ATXN7L1: variants seen among roughly 807,000 people sequenced by gnomAD.
ATXN7L1 encodes ataxin-7-like protein 1.
ATXN7L1 carries 15 observed loss-of-function variants against 70.8 expected under a neutral mutation model. That is an observed-to-expected ratio of 0.21 (90% CI 0.14 to 0.33). The LOEUF (loss-of-function observed/expected upper bound fraction) is 0.33. ATXN7L1 is among the 10% of genes least tolerant of loss of function. The probability of loss-of-function intolerance (pLI) is 1.00; values close to 1 mark genes in which losing one functional copy is unlikely to be tolerated. For synonymous variants in ATXN7L1, 440 were observed against 445.1 expected, an observed-to-expected ratio of 0.99 and a Z score of 0.14; for missense variants, 975 against 1,097.1, an observed-to-expected ratio of 0.89 and a Z score of 1.57.
chr7:105,607,593 T>A lies in ATXN7L1; in HGVS notation c.*259A>T, dbSNP rs1319798074. 1.9e-6 allele frequency: 1 copy of A among 529,284 alleles called. No individual in the cohort carries two copies. Among genetic ancestry groups the A allele is most frequent in the African/African-American group, 1.9e-5 (1 of 52,740 alleles). 32.8% of individuals were successfully genotyped at this position (529,284 alleles called of 1,614,324 possible). On this transcript the variant is annotated 3_prime_UTR_variant, in exon 12 of 12. Transcript: ENST00000419735. ...GAGTGACCCCAAATTTGGAAGAATG[T>A]AAAAACATGGCAAATGAAAGGAAAG...
At chr7:105,662,110 T>TC (rs1189753601) in intron 4 of ATXN7L1, among the ~76,000 whole-genome samples, 3 of 147,120 alleles carry the variant, frequency 2.0e-5, no homozygotes, top group Admixed American at 6.8e-5. Context: ...TCTTTTCTTT[T>TC]TTTTTTTTTT....
chr7:105,855,822 A>G (rs947707300), intron 2 of ATXN7L1, among the ~76,000 whole-genome samples: 5 of 152,232 alleles, frequency 3.3e-5, no homozygotes, highest in Admixed American at 3.3e-4. Context: ...CTATTTACAC[A>G]GCATTTACAT....
At chr7:105,727,744 G>GTATATATATATA (rs1205624280) in intron 3 of ATXN7L1, among the ~76,000 whole-genome samples, 11 of 31,704 alleles carry the variant, frequency 3.5e-4, no homozygotes, top group African/African-American at 1.6e-3. Context: ...GTGTGTATGT[G>GTATATATATATA]TGTATATATA....
At chr7:105,748,183 C>T (rs1798792172) in intron 3 of ATXN7L1, among the ~76,000 whole-genome samples, 1 of 151,148 alleles carries the variant, frequency 6.6e-6, no homozygotes, top group Non-Finnish European at 1.5e-5. Context: ...AGGAAAAACA[C>T]ATTGAGCATG....
intron 4 of ATXN7L1, among the ~76,000 whole-genome samples, chr7:105,646,804 C>A (rs901775017): frequency 6.6e-6 from 1 of 150,820 alleles, no homozygotes. Context: ...ATAAGCTGGG[C>A]ACGTTGGTGG....
chr7:105,852,189 T>C (rs988584862), intron 2 of ATXN7L1, among the ~76,000 whole-genome samples: 4 of 152,172 alleles, frequency 2.6e-5, no homozygotes, highest in Admixed American at 1.3e-4. Flanking sequence ...CAGTTCTTTA[T>C]TGACAGGCAG....
chr7:105,798,981 A>G (rs769157066), intron 2 of ATXN7L1, among the ~76,000 whole-genome samples: 1 of 152,246 alleles, frequency 6.6e-6, no homozygotes, highest in Non-Finnish European at 1.5e-5. Context: ...GTCTTCTATT[A>G]CTGTTTAGAG....
chr7:105,801,247 C>T (rs1806776413), intron 2 of ATXN7L1, among the ~76,000 whole-genome samples: 1 of 152,152 alleles, frequency 6.6e-6, no homozygotes, highest in African/African-American at 2.4e-5. Flanking sequence ...GGAATAAAAT[C>T]ACTGTTAAAA....
chr7:105,716,992 G>C (rs1794643229), intron 3 of ATXN7L1, among the ~76,000 whole-genome samples: 1 of 151,934 alleles, frequency 6.6e-6, no homozygotes, highest in Non-Finnish European at 1.5e-5. Flanking sequence ...AACTAAAAAT[G>C]ACCCACAGTC....
At chr7:105,801,169 G>T (rs1193824294) in intron 2 of ATXN7L1, among the ~76,000 whole-genome samples, 1 of 152,142 alleles carries the variant, frequency 6.6e-6, no homozygotes, top group Non-Finnish European at 1.5e-5. Context: ...ATTTTGCATG[G>T]TGGGATTTAA....
At chr7:105,865,690 T>C (rs993708164) in intron 2 of ATXN7L1, among the ~76,000 whole-genome samples, 17 of 152,172 alleles carry the variant, frequency 1.1e-4, no homozygotes, top group South Asian at 2.1e-4. Context: ...CGTGAGCCAC[T>C]GCACCCGGGC....
At chr7:105,697,720 C>G (rs554047579) in intron 3 of ATXN7L1, among the ~76,000 whole-genome samples, 1 of 152,112 alleles carries the variant, frequency 6.6e-6, no homozygotes, top group Non-Finnish European at 1.5e-5. Context: ...TCACAACTTA[C>G]GTTTAGAGAT....
At chr7:105,758,192 T>C (rs1254491888) in intron 3 of ATXN7L1, among the ~76,000 whole-genome samples, 2 of 152,100 alleles carry the variant, frequency 1.3e-5, no homozygotes, top group Non-Finnish European at 2.9e-5. Flanking sequence ...CTCCCAGCAG[T>C]GATATGTGAA....
At chr7:105,802,198 C>T (rs574450908) in intron 2 of ATXN7L1, among the ~76,000 whole-genome samples, 104 of 152,276 alleles carry the variant, frequency 6.8e-4, no homozygotes, top group African/African-American at 2.4e-3. Flanking sequence ...GCTTCAGGGT[C>T]AATCCTTCAT....
intron 3 of ATXN7L1, among the ~76,000 whole-genome samples, chr7:105,757,189 G>A (rs1020293430): frequency 3.3e-5 from 5 of 152,008 alleles, no homozygotes; most frequent in African/African-American, 1.2e-4. Context: ...GTTTTCCTAG[G>A]GATTGTATTT....
At position 105,783,293 on chromosome 7, in the gene ATXN7L1, G is replaced by A. The variant is rs533256656; in HGVS notation, c.355+5311C>T. 1.2e-3 allele frequency among the ~76,000 whole-genome samples: 190 copies of A among 152,274 alleles called. 1 individual carries two copies. The highest frequency in any genetic ancestry group is 4.3e-3 in the African/African-American group (180 of 41,546). On this transcript the variant is annotated intron_variant, in intron 3 of 11. Coordinates refer to ENST00000419735, the MANE Select transcript of ATXN7L1 (RefSeq NM_020725.2). ...TATTTGGTCTTTATCCCCAGTTTCT[G>A]GCACAGAGCTCCTAAAACCCTTGTA...
intron 8 of ATXN7L1, among the ~76,000 whole-genome samples, chr7:105,623,823 A>ATTTTTTCCC (rs1452596706): frequency 1.3e-5 from 2 of 152,080 alleles, no homozygotes; most frequent in African/African-American, 2.4e-5. Context: ...GGGATTATCC[A>ATTTTTTCCC]TTTTTTCCCC....
At position 105,722,560 on chromosome 7, in the gene ATXN7L1, T is replaced by TAAAAAAAAAA. The variant is rs56228890; in HGVS notation, c.356-57282_356-57273dup. ...TGGGCAACAGAGTGAGACTCTGCCT[T>TAAAAAAAAAA]AAAAAAAAAAAAAAAAAAAAAAAAA... On this transcript the variant is annotated intron_variant, in intron 3 of 11. Coordinates refer to ENST00000419735, the MANE Select transcript of ATXN7L1 (RefSeq NM_020725.2). Among the ~76,000 whole-genome samples, 19 of 20,844 alleles carry TAAAAAAAAAA rather than the reference T, an allele frequency of 9.1e-4. 3 individuals are homozygous for TAAAAAAAAAA. The highest frequency in any genetic ancestry group is 1.1e-3 in the African/African-American group (8 of 7,180). 13.7% of individuals were successfully genotyped at this position (20,844 alleles called of 152,430 possible).
At position 105,784,948 on chromosome 7, in the gene ATXN7L1, A is replaced by T. The variant is rs1804079554; in HGVS notation, c.355+3656T>A. On this transcript the variant is annotated intron_variant, in intron 3 of 11. Transcript: ENST00000419735. ...TCCATGGGGCTTGGACCCCTGCCCC[A>T]ATTTTAACCTCAACAGCTCTGCTTC... 2.0e-5 allele frequency among the ~76,000 whole-genome samples: 3 copies of T among 152,320 alleles called. No homozygotes were observed. The South Asian group carries it at 6.2e-4, about 32-fold the overall frequency.
Sources: allele counts gnomAD v4.1 joint callset (sites outside exome capture counted in the v4.1 genomes callset), GRCh38; gene constraint gnomAD v4.1.1; transcripts MANE v1.5; gene names NCBI Gene and HGNC (gene_info 2026-07-23, HGNC 2026-07-21).